DGLUCY: variants seen among roughly 807,000 people sequenced by gnomAD.
DGLUCY encodes D-glutamate cyclase, mitochondrial.
DGLUCY carries 58 observed loss-of-function variants against 58.5 expected under a neutral mutation model. The observed-to-expected ratio is 0.99, with a 90% CI of 0.80 to 1.23. The LOEUF (loss-of-function observed/expected upper bound fraction) is 1.23, where lower values mean the gene tolerates loss of function less well. Among genes scored for constraint, DGLUCY ranks in the 50% most tolerant of loss-of-function variants. The pLI, the probability that DGLUCY is intolerant of heterozygous loss-of-function variation, is 0.00. For synonymous variants in DGLUCY, 325 were observed against 314.1 expected, an observed-to-expected ratio of 1.03 and a Z score of -0.37; for missense variants, 779 against 784.7, an observed-to-expected ratio of 0.99 and a Z score of 0.09.
At position 91,224,799 on chromosome 14, in the gene DGLUCY, A is replaced by G. The variant is rs749139551; in HGVS notation, c.1832A>G (p.Gln611Arg). The G allele has an allele frequency of 3.7e-6, 6 of 1,613,430 alleles. No homozygotes were observed. The South Asian group carries it at 4.4e-5, about 12-fold the overall frequency. ...CACAACACCCACGCCGAGATGATCC[A>G]GAAGCTGGTGGACGTCACCACGGCA... Reference protein sequence around the residue: ...PFHNTHAEMIQKLVDVTTAQV With the variant: ...PFHNTHAEMIRKLVDVTTAQV The change falls in exon 14 of 14, where the codon CAG becomes CGG. Residue 611 changes from glutamine (Q) to arginine (R), a missense_variant. Coordinates refer to ENST00000256324, the MANE Select transcript of DGLUCY (RefSeq NM_001102368.3).
At chr14:91,209,071 T>A (rs1209834052) in intron 12 of DGLUCY, among the ~76,000 whole-genome samples, 1 of 152,152 alleles carries the variant, frequency 6.6e-6, no homozygotes, top group African/African-American at 2.4e-5. Flanking sequence ...CCCAGCACTT[T>A]GGGAGGCCGA....
At chr14:91,186,998 T>G (rs1181282194) in intron 8 of DGLUCY, among the ~76,000 whole-genome samples, 7 of 23,484 alleles carry the variant, frequency 3.0e-4, no homozygotes, top group Non-Finnish European at 3.1e-4. Flanking sequence ...ACCCCATGTC[T>G]TCTTCTTCTT....
intron 1 of DGLUCY, among the ~76,000 whole-genome samples, chr14:91,123,712 A>G (rs2045521620): frequency 6.6e-6 from 1 of 151,964 alleles, no homozygotes; most frequent in Non-Finnish European, 1.5e-5. Flanking sequence ...TCAGCTTCCC[A>G]GGTAGCTGAG....
At chr14:91,168,654 C>T (rs2048408283) in intron 4 of DGLUCY, among the ~76,000 whole-genome samples, 1 of 152,214 alleles carries the variant, frequency 6.6e-6, no homozygotes, top group African/African-American at 2.4e-5. Context: ...AGACCCAGCA[C>T]CAAACTCCTC....
chr14:91,096,387 A>T (rs1369060282), intron 1 of DGLUCY, among the ~76,000 whole-genome samples: 8 of 139,382 alleles, frequency 5.7e-5, no homozygotes, highest in African/African-American at 1.8e-4. Context: ...GTGCCACTGC[A>T]CTCCAGCCTG....
At chr14:91,173,150 A>G (rs1411565100) in intron 5 of DGLUCY, 139 bp from the exon 6 acceptor site, 1 of 930,998 alleles carries the variant, frequency 1.1e-6, no homozygotes, top group Non-Finnish European at 1.6e-6. Context: ...TCTCTATGTC[A>G]CATAAAAATA....
chr14:91,130,785 A>G (rs1436645796), intron 1 of DGLUCY, among the ~76,000 whole-genome samples: 1 of 152,068 alleles, frequency 6.6e-6, no homozygotes, highest in Non-Finnish European at 1.5e-5. Context: ...CACCCAGCTA[A>G]CAGTGCATAA....
intron 7 of DGLUCY, 125 bp from the exon 8 acceptor site, chr14:91,181,061 G>A: frequency 1.3e-6 from 1 of 772,952 alleles, no homozygotes; most frequent in Non-Finnish European, 2.1e-6. Context: ...CCAGCAGGTG[G>A]TATAGGGAGT....
intron 11 of DGLUCY, 47 bp from the exon 12 acceptor site, chr14:91,204,659 C>A (rs557257805): frequency 1.9e-6 from 3 of 1,598,354 alleles, no homozygotes; most frequent in Non-Finnish European, 2.6e-6. Flanking sequence ...AGGCCTCCCC[C>A]ATTTTGCCCT....
At chr14:91,140,946 GA>G (rs1412046670) in intron 1 of DGLUCY, among the ~76,000 whole-genome samples, 1 of 152,166 alleles carries the variant, frequency 6.6e-6, no homozygotes, top group Non-Finnish European at 1.5e-5. Context: ...TGAGACTCAG[GA>G]AACCTTCAGG....
intron 1 of DGLUCY, among the ~76,000 whole-genome samples, chr14:91,078,876 T>TTTTATCTA (rs1555388802): frequency 1.1e-4 from 15 of 136,754 alleles, no homozygotes; most frequent in Non-Finnish European, 2.2e-4. Flanking sequence ...TATTTTTAAT[T>TTTTATCTA]TTTATTTATT....
intron 9 of DGLUCY, among the ~76,000 whole-genome samples, chr14:91,192,773 C>A (rs572525072): frequency 6.6e-6 from 1 of 152,302 alleles, no homozygotes; most frequent in South Asian, 2.1e-4. Context: ...CAATGCACTC[C>A]AGCCTGGGTG....
chr14:91,074,256 A>G (rs2043978504), intron 1 of DGLUCY, among the ~76,000 whole-genome samples: 1 of 142,526 alleles, frequency 7.0e-6, no homozygotes, highest in East Asian at 2.0e-4. Context: ...TGATTGTGCC[A>G]TGCACTCCAG....
intron 13 of DGLUCY, among the ~76,000 whole-genome samples, chr14:91,224,243 G>A (rs1217141154): frequency 6.6e-6 from 1 of 152,214 alleles, no homozygotes; most frequent in Non-Finnish European, 1.5e-5. Flanking sequence ...GGAAATGCAG[G>A]CTGGCCGGGC....
chr14:91,107,962 A>G (rs369522083), upstream of DGLUCY: 9 of 152,602 alleles, frequency 5.9e-5, no homozygotes, highest in South Asian at 2.1e-4. Context: ...AGGAAGCCTG[A>G]AGCCCTTGAA....
intron 7 of DGLUCY, among the ~76,000 whole-genome samples, chr14:91,176,941 C>CTTT (rs2048887543): frequency 6.6e-6 from 1 of 151,776 alleles, no homozygotes; most frequent in African/African-American, 2.4e-5. Flanking sequence ...TTCCTTCCTT[C>CTTT]CCTTCTTCTT....
intron 5 of DGLUCY, among the ~76,000 whole-genome samples, chr14:91,171,081 AT>A (rs1317078752): frequency 1.3e-5 from 2 of 152,162 alleles, no homozygotes; most frequent in Non-Finnish European, 2.9e-5. Context: ...GCAGGCACCC[AT>A]GGCAGTCTCT....
intron 1 of DGLUCY, among the ~76,000 whole-genome samples, chr14:91,126,762 G>C (rs550232078): frequency 3.9e-5 from 6 of 152,222 alleles, no homozygotes; most frequent in Admixed American, 2.6e-4. Flanking sequence ...CTCATCTCAA[G>C]ATCTTTCACT....
intron 12 of DGLUCY, among the ~76,000 whole-genome samples, chr14:91,214,600 T>G (rs1886231689): frequency 2.6e-5 from 4 of 152,254 alleles, no homozygotes; most frequent in African/African-American, 7.2e-5. Flanking sequence ...TTTCTACGGT[T>G]ATTGCCTAAA....
Sources: allele counts gnomAD v4.1 joint callset (sites outside exome capture counted in the v4.1 genomes callset), GRCh38; gene constraint gnomAD v4.1.1; transcripts MANE v1.5; gene names NCBI Gene and HGNC (gene_info 2026-07-23, HGNC 2026-07-21).